The following UTRN variants were observed in gnomAD, a reference collection of about 807,000 sequenced individuals.
UTRN encodes the protein utrophin.
UTRN carries 283 observed loss-of-function variants against 463.9 expected under a neutral mutation model. The ratio of observed to expected loss-of-function variants is 0.61; its 90% CI spans 0.55 to 0.67. The LOEUF is 0.67. UTRN is among the 30% of genes least tolerant of loss of function. The pLI, the probability that UTRN is intolerant of heterozygous loss-of-function variation, is 0.00. For missense variants in UTRN, 3,922 were observed against 4,084.3 expected (o/e 0.96, Z 1.08); for synonymous variants, 1,442 against 1,431.5 (o/e 1.01, Z -0.17).
chr6:144,364,049 G>A (rs886396270), intron 2 of UTRN, among the ~76,000 whole-genome samples: 10 of 152,330 alleles, frequency 6.6e-5, no homozygotes, highest in African/African-American at 2.2e-4. Context: ...GGTTATTGTA[G>A]TACCTTGAGA....
chr6:144,757,743 G>A (rs1055971017), intron 57 of UTRN, among the ~76,000 whole-genome samples, 186 bp from the exon 58 acceptor site: 1 of 151,982 alleles, frequency 6.6e-6, no homozygotes, highest in African/African-American at 2.4e-5. Context: ...ATTGTTTCTT[G>A]TTTTACTTCA....
chr6:144,759,026 G>A (rs11969314), intron 58 of UTRN, among the ~76,000 whole-genome samples: 71,474 of 151,900 alleles, frequency 0.47, 21,726 homozygotes, highest in East Asian at 0.87. Context: ...AGTCCATGTT[G>A]GTGAAATAGT....
intron 2 of UTRN, among the ~76,000 whole-genome samples, chr6:144,368,120 G>A (rs1779666344): frequency 6.6e-6 from 1 of 152,096 alleles, no homozygotes; most frequent in Non-Finnish European, 1.5e-5. Flanking sequence ...GTGATCTAAA[G>A]ACTGAGATCC....
At chr6:144,648,912 A>C (rs1296040277) in intron 51 of UTRN, among the ~76,000 whole-genome samples, 1 of 152,224 alleles carries the variant, frequency 6.6e-6, no homozygotes, top group African/African-American at 2.4e-5. Context: ...AGGTCATTTG[A>C]GGAACAAATA....
intron 62 of UTRN, 122 bp from the exon 63 acceptor site, chr6:144,793,712 C>A: frequency 8.3e-7 from 1 of 1,200,202 alleles, no homozygotes; most frequent in Non-Finnish European, 1.2e-6. Context: ...GACAACGAAT[C>A]AGATTCATGT....
chr6:144,555,409 G>C (rs143320144), intron 49 of UTRN, among the ~76,000 whole-genome samples: 1 of 152,156 alleles, frequency 6.6e-6, no homozygotes, highest in African/African-American at 2.4e-5. Context: ...AAGACAGAGA[G>C]AGATAGAAGG....
At chr6:144,366,368 A>G (rs1779507169) in intron 2 of UTRN, among the ~76,000 whole-genome samples, 1 of 152,108 alleles carries the variant, frequency 6.6e-6, no homozygotes, top group South Asian at 2.1e-4. Flanking sequence ...CCTAATAGCC[A>G]TTGGTTATTT....
chr6:144,427,131 A>T (rs1206814884), intron 7 of UTRN, among the ~76,000 whole-genome samples: 1 of 152,208 alleles, frequency 6.6e-6, no homozygotes, highest in Non-Finnish European at 1.5e-5. Context: ...GCTCCATTAC[A>T]CAGGAAAATC....
At chr6:144,848,954 A>C (rs1782254077) in intron 74 of UTRN, among the ~76,000 whole-genome samples, 1 of 152,078 alleles carries the variant, frequency 6.6e-6, no homozygotes, top group African/African-American at 2.4e-5. Flanking sequence ...GATACCCCAG[A>C]GGCCCCAATG....
intron 23 of UTRN, among the ~76,000 whole-genome samples, chr6:144,463,752 G>T (rs766834852): frequency 4.0e-5 from 6 of 151,178 alleles, no homozygotes. Context: ...ATTTTTCAAC[G>T]AATGAAATGA....
intron 25 of UTRN, 83 bp from the exon 26 acceptor site, chr6:144,479,729 G>C (rs1791650583): frequency 6.8e-7 from 1 of 1,478,238 alleles, no homozygotes; most frequent in South Asian, 1.4e-5. Flanking sequence ...AGTTATTACT[G>C]TGCCTTTAAA....
intron 74 of UTRN, among the ~76,000 whole-genome samples, chr6:144,848,797 C>A (rs1386118366): frequency 1.3e-5 from 2 of 152,020 alleles, no homozygotes; most frequent in East Asian, 3.9e-4. Flanking sequence ...TTAAAAATGG[C>A]TTTAGAGTAG....
chr6:144,484,626 A>G (rs2128575609), intron 27 of UTRN, among the ~76,000 whole-genome samples: 1 of 151,500 alleles, frequency 6.6e-6, no homozygotes, highest in South Asian at 2.1e-4. Context: ...TATTTTTAGT[A>G]GAGATGGGGT....
intron 60 of UTRN, among the ~76,000 whole-genome samples, chr6:144,778,322 G>T (rs1029165534): frequency 6.6e-6 from 1 of 152,044 alleles, no homozygotes; most frequent in African/African-American, 2.4e-5. Context: ...GATATTTCAC[G>T]GTTTGCAGAC....
chr6:144,520,750 A>C (rs1283574694), intron 39 of UTRN, among the ~76,000 whole-genome samples: 1 of 152,192 alleles, frequency 6.6e-6, no homozygotes, highest in Non-Finnish European at 1.5e-5. Context: ...CTGAATTAAC[A>C]TGCATTTGTG....
intron 53 of UTRN, among the ~76,000 whole-genome samples, chr6:144,707,559 C>G (rs993134766): frequency 3.1e-4 from 47 of 152,134 alleles, no homozygotes; most frequent in Non-Finnish European, 6.6e-4. Flanking sequence ...CTGCACTTTC[C>G]TAGGACATAT....
At chr6:144,478,141 G>A (rs1791445025) in intron 25 of UTRN, among the ~76,000 whole-genome samples, 1 of 151,854 alleles carries the variant, frequency 6.6e-6, no homozygotes, top group African/African-American at 2.4e-5. Flanking sequence ...AAAAAGAACA[G>A]GCATATAAAA....
intron 53 of UTRN, chr6:144,706,936 T>C (rs978984020): frequency 6.6e-6 from 1 of 152,192 alleles, no homozygotes; most frequent in African/African-American, 2.4e-5. Context: ...GCCAGGAACC[T>C]ATACTGTAAA....
intron 39 of UTRN, among the ~76,000 whole-genome samples, chr6:144,521,079 A>T (rs901373073): frequency 6.6e-6 from 1 of 152,128 alleles, no homozygotes; most frequent in Non-Finnish European, 1.5e-5. Flanking sequence ...TGAGGTTAAG[A>T]GTTCGAGGCC....
Sources: gnomAD v4.1 joint callset for allele counts (sites outside exome capture counted in the v4.1 genomes callset) on GRCh38, gnomAD v4.1.1 for gene constraint, MANE v1.5 for transcripts, NCBI Gene and HGNC (gene_info 2026-07-23, HGNC 2026-07-21) for gene names.